The following PARD3 variants were observed in gnomAD, a reference collection of about 807,000 sequenced individuals.
PARD3 encodes partitioning defective 3 homolog.
Under a neutral mutation model 155.4 loss-of-function variants are expected in PARD3, and 75 were observed. That is an observed-to-expected ratio of 0.48 (90% CI 0.40 to 0.58). The LOEUF (loss-of-function observed/expected upper bound fraction) is 0.58, where lower values mean the gene tolerates loss of function less well. Among genes scored for constraint, PARD3 ranks in the 20% least tolerant of loss-of-function variants. PARD3 has a pLI of 0.00. For missense variants in PARD3, 1,642 were observed against 1,721.7 expected, an observed-to-expected ratio of 0.95 and a Z score of 0.82; for synonymous variants, 576 against 610.5, an observed-to-expected ratio of 0.94 and a Z score of 0.83.
Position 34,284,221 on chromosome 10 carries a change from G to C in PARD3, c.3090C>G (p.Asp1030Glu). The C allele has an allele frequency of 6.2e-7, 1 of 1,608,276 alleles. No homozygotes were observed. Among genetic ancestry groups the C allele is most frequent in the Non-Finnish European group, 8.5e-7 (1 of 1,177,288 alleles). Residue 1030 changes from aspartate (D) to glutamate (E), a missense_variant, in exon 21 of 25, where the codon GAC becomes GAG. Asp to Glu is a conservative substitution (Grantham distance 45). Around this residue, in one of 3 missense-constraint regions of PARD3, gnomAD observed 1,529 missense variants for 1,587.3 expected, o/e 0.96. Transcript: ENST00000374788. ...MFRFGKHRKD[D>E]KIEKTGKIKI... is the part of the protein sequence containing the mutation. Reference sequence around the variant, plus strand: ...TTATTTTACCCGTTTTCTCAATCTTGTCATCTTTTCGATGTTTGCCAAACC... The same window carrying C: ...TTATTTTACCCGTTTTCTCAATCTTCTCATCTTTTCGATGTTTGCCAAACC...
intron 2 of PARD3, among the ~76,000 whole-genome samples, chr10:34,581,865 CTT>C (rs1203094158): frequency 1.3e-5 from 2 of 152,186 alleles, no homozygotes; most frequent in African/African-American, 2.4e-5. Flanking sequence ...GGCAATCCCT[CTT>C]GTGTCTAAAA....
At chr10:34,493,400 G>C (rs186149521) in intron 3 of PARD3, among the ~76,000 whole-genome samples, 22 of 152,132 alleles carry the variant, frequency 1.4e-4, no homozygotes, top group Admixed American at 8.5e-4. Flanking sequence ...AAATTTTCAG[G>C]AATTTCTGAG....
chr10:34,653,752 C>T (rs1590424851), intron 2 of PARD3, among the ~76,000 whole-genome samples: 2 of 150,268 alleles, frequency 1.3e-5, no homozygotes, highest in African/African-American at 4.9e-5. Context: ...CTGTGAATAG[C>T]CACCGCACTC....
Position 34,573,735 on chromosome 10 carries a change from AAACACAC to A in PARD3, c.223-56583_223-56577del, listed in dbSNP as rs1564367895. Among the ~76,000 whole-genome samples, 20 of 12,286 alleles carry A rather than the reference AAACACAC, an allele frequency of 1.6e-3. No individual in the cohort carries two copies. In the South Asian group the frequency reaches 0.033, roughly 20 times the overall value. 8.1% of individuals were successfully genotyped at this position (12,286 alleles called of 152,430 possible). On this transcript the variant is annotated intron_variant, in intron 2 of 24. Transcript: ENST00000374788. The stretch of plus-strand genomic sequence containing the variant: ...AACAAACAAACAAACAAACAAACAA[AAACACAC>A]ACACACACACACACACACACACACA...
At position 34,591,813 on chromosome 10, in the gene PARD3, G is replaced by A. The variant is rs144800485; in HGVS notation, c.223-74654C>T. On this transcript the variant is annotated intron_variant, in intron 2 of 24. Coordinates refer to ENST00000374788, the MANE Select transcript of PARD3 (RefSeq NM_001184785.2). ...CCGGGGGAGTTTCGATCAAGGTTAG[G>A]AGTTTCTGTACTCATTGTTACTACA... is the stretch of plus-strand genomic sequence containing the variant. 1.4e-4 allele frequency among the ~76,000 whole-genome samples: 21 copies of A among 152,236 alleles called. 1 individual carries two copies. Among genetic ancestry groups the A allele is most frequent in the African/African-American group, 5.1e-4 (21 of 41,542 alleles).
intron 19 of PARD3, among the ~76,000 whole-genome samples, chr10:34,325,718 G>C (rs1367313955): frequency 6.6e-6 from 1 of 152,118 alleles, no homozygotes; most frequent in Non-Finnish European, 1.5e-5. Flanking sequence ...TTTCTGTTTG[G>C]AAGTGTGTTT....
intron 22 of PARD3, among the ~76,000 whole-genome samples, chr10:34,260,315 T>C (rs774961078): frequency 5.9e-5 from 9 of 152,126 alleles, no homozygotes; most frequent in Non-Finnish European, 1.3e-4. Context: ...CATTAACATG[T>C]TTACATGGAA....
At chr10:34,241,418 C>G (rs1209471005) in intron 22 of PARD3, among the ~76,000 whole-genome samples, 2 of 152,058 alleles carry the variant, frequency 1.3e-5, no homozygotes, top group Non-Finnish European at 2.9e-5. Flanking sequence ...GGTGGGAGAC[C>G]CGGTGGTCCT....
intron 1 of PARD3, among the ~76,000 whole-genome samples, chr10:34,753,592 A>G (rs752874429): frequency 4.6e-5 from 7 of 152,236 alleles, no homozygotes; most frequent in Non-Finnish European, 8.8e-5. Flanking sequence ...CAGTGGGATA[A>G]AAATAAATAT....
intron 22 of PARD3, among the ~76,000 whole-genome samples, chr10:34,190,355 G>A (rs1037328767): frequency 6.6e-6 from 1 of 151,962 alleles, no homozygotes; most frequent in Non-Finnish European, 1.5e-5. Context: ...CAATGCCACT[G>A]GTCTTACAAT....
intron 2 of PARD3, among the ~76,000 whole-genome samples, chr10:34,560,679 A>T (rs1288735147): frequency 6.6e-6 from 1 of 152,222 alleles, no homozygotes; most frequent in African/African-American, 2.4e-5. Flanking sequence ...CTTTTCAAGA[A>T]TGGGAGCCTG....
chr10:34,480,794 CTTTT>C (rs61461165), intron 3 of PARD3, among the ~76,000 whole-genome samples: 15 of 125,756 alleles, frequency 1.2e-4, no homozygotes, highest in African/African-American at 3.4e-4. Flanking sequence ...GTTTCTTTTT[CTTTT>C]TTTTTTTTTT....
intron 22 of PARD3, among the ~76,000 whole-genome samples, chr10:34,227,886 T>TATATATATA (rs1564499942): frequency 9.7e-4 from 61 of 62,922 alleles, no homozygotes; most frequent in Non-Finnish European, 1.7e-3. Context: ...ATATATATAC[T>TATATATATA]GGGAATATAT....
chr10:34,713,520 G>C (rs2094475950), intron 1 of PARD3, among the ~76,000 whole-genome samples: 1 of 152,106 alleles, frequency 6.6e-6, no homozygotes. Flanking sequence ...AACACTTTGG[G>C]AGGCCAAGGC....
At chr10:34,581,237 T>TTCTTTTC (rs1351813077) in intron 2 of PARD3, among the ~76,000 whole-genome samples, 16 of 134,718 alleles carry the variant, frequency 1.2e-4, no homozygotes, top group African/African-American at 4.3e-4. Flanking sequence ...TTCTTTTCTT[T>TTCTTTTC]TTTTTTTTTT....
chr10:34,436,615 G>A (rs555180601), intron 5 of PARD3, among the ~76,000 whole-genome samples: 1 of 152,228 alleles, frequency 6.6e-6, no homozygotes, highest in Admixed American at 6.5e-5. Flanking sequence ...GCATACTTCT[G>A]TGAGAAACTC....
chr10:34,496,133 C>G (rs146038123), intron 3 of PARD3, among the ~76,000 whole-genome samples: 2,763 of 151,444 alleles, frequency 0.018, 52 homozygotes, highest in Non-Finnish European at 0.022. Context: ...CCCAGGAGGT[C>G]TTGGCAGCGA....
At position 34,193,206 on chromosome 10, in the gene PARD3, C is replaced by T. The variant is rs1331715313; in HGVS notation, c.3420-61623G>A. 2.6e-5 allele frequency among the ~76,000 whole-genome samples: 4 copies of T among 152,186 alleles called. No individual in the cohort carries two copies. In the East Asian group the frequency reaches 7.7e-4, roughly 29 times the overall value. ...TCTTAATTTTATGCATTTTACACTT[C>T]TAAGCAGCTTGCTAGTGAGGATTGC... On this transcript the variant is annotated intron_variant, in intron 22 of 24. Transcript: ENST00000374788.
At chr10:34,688,313 C>T (rs1192417420) in intron 2 of PARD3, among the ~76,000 whole-genome samples, 1 of 152,064 alleles carries the variant, frequency 6.6e-6, no homozygotes, top group East Asian at 1.9e-4. Flanking sequence ...TGGCCTAGGC[C>T]CACTGTTGAG....
Sources: gnomAD v4.1 joint callset for allele counts (sites outside exome capture counted in the v4.1 genomes callset) on GRCh38, gnomAD v4.1.1 for gene constraint, gnomAD v4.1.1 regional missense constraint, MANE v1.5 for transcripts, NCBI Gene and HGNC (gene_info 2026-07-23, HGNC 2026-07-21) for gene names.